The following PDZD8 variants were observed in gnomAD, a reference collection of about 807,000 sequenced individuals.
PDZD8 encodes the protein PDZ domain containing 8, also known as PDZ domain-containing protein 8.
A neutral mutation model predicts 85.8 loss-of-function variants in PDZD8; 14 were observed. That is an observed-to-expected ratio of 0.16 (90% CI 0.11 to 0.26). PDZD8 has a LOEUF of 0.26. PDZD8 is among the 10% of genes least tolerant of loss of function. PDZD8 has a pLI of 1.00. For missense variants in PDZD8, 1,197 were observed against 1,424.3 expected, an observed-to-expected ratio of 0.84 and a Z score of 2.57; for synonymous variants, 592 against 568.6, an observed-to-expected ratio of 1.04 and a Z score of -0.59.
At chr10:117,309,438 C>T (rs1369188936) in intron 3 of PDZD8, among the ~76,000 whole-genome samples, 3 of 151,304 alleles carry the variant, frequency 2.0e-5, no homozygotes. Context: ...ACATGAAAAA[C>T]ATTCCATCTC....
chr10:117,322,651 C>G (rs537097494), intron 2 of PDZD8, among the ~76,000 whole-genome samples: 1 of 152,214 alleles, frequency 6.6e-6, no homozygotes, highest in South Asian at 2.1e-4. Flanking sequence ...AGAGAGGCCT[C>G]AGGTGTCTGG....
intron 3 of PDZD8, among the ~76,000 whole-genome samples, chr10:117,294,330 A>AC (rs1164654260): frequency 1.5e-5 from 2 of 129,534 alleles, no homozygotes; most frequent in South Asian, 2.4e-4. Context: ...AAAAAGACAA[A>AC]AAAAAAAAAA....
intron 1 of PDZD8, among the ~76,000 whole-genome samples, chr10:117,344,810 G>T (rs1844677144): frequency 1.3e-5 from 2 of 152,166 alleles, no homozygotes; most frequent in African/African-American, 4.8e-5. Context: ...CCAGTCACCT[G>T]TTACTTCCAG....
rs531905660 is a variant in PDZD8 at position 117,369,252 on chromosome 10, G to A, written c.872+5104C>T. ...CGGCTTGCAGCAATCTCTGCCTCTCGGGTTCAAGCGATTCTCCTGCCTCAG... is the reference window on the plus strand; with the variant it reads ...CGGCTTGCAGCAATCTCTGCCTCTCAGGTTCAAGCGATTCTCCTGCCTCAG... On this transcript the variant is annotated intron_variant, in intron 1 of 4. Coordinates refer to ENST00000334464, the MANE Select transcript of PDZD8 (RefSeq NM_173791.5). Among the ~76,000 whole-genome samples the A allele has an allele frequency of 4.6e-5, 7 of 152,084 alleles. No homozygotes were observed. The South Asian group carries it at 6.2e-4, about 14-fold the overall frequency.
At chr10:117,369,940 C>T (rs1227080880) in intron 1 of PDZD8, among the ~76,000 whole-genome samples, 1 of 152,120 alleles carries the variant, frequency 6.6e-6, no homozygotes, top group Non-Finnish European at 1.5e-5. Flanking sequence ...GGAACACAAG[C>T]ATCCGTAAGA....
At chr10:117,301,306 A>C (rs1191282881) in intron 3 of PDZD8, among the ~76,000 whole-genome samples, 2 of 152,088 alleles carry the variant, frequency 1.3e-5, no homozygotes, top group Non-Finnish European at 2.9e-5. Context: ...TTTTTGAGGG[A>C]CCAGTATACA....
chr10:117,288,888 G>A (rs915634019), intron 4 of PDZD8, among the ~76,000 whole-genome samples: 4 of 152,042 alleles, frequency 2.6e-5, no homozygotes, highest in African/African-American at 9.7e-5. Context: ...ATATCGCTTA[G>A]GTTAATTAAT....
intron 3 of PDZD8, among the ~76,000 whole-genome samples, chr10:117,313,526 T>G (rs1317072591): frequency 1.3e-5 from 2 of 152,200 alleles, no homozygotes; most frequent in African/African-American, 4.8e-5. Flanking sequence ...TTCAGGACAC[T>G]ATACCTGATC....
intron 2 of PDZD8, among the ~76,000 whole-genome samples, chr10:117,331,079 C>T (rs958075923): frequency 8.5e-5 from 13 of 152,160 alleles, no homozygotes; most frequent in Admixed American, 6.5e-4. Flanking sequence ...CTTATTTATG[C>T]ATTTGTTTTT....
chr10:117,336,417 C>T (rs1248984925), intron 2 of PDZD8, among the ~76,000 whole-genome samples: 1 of 152,088 alleles, frequency 6.6e-6, no homozygotes, highest in Non-Finnish European at 1.5e-5. Flanking sequence ...TATGAAGTAG[C>T]AATAAACACA....
intron 3 of PDZD8, among the ~76,000 whole-genome samples, chr10:117,310,225 A>T (rs942190822): frequency 2.0e-5 from 3 of 152,154 alleles, no homozygotes; most frequent in Non-Finnish European, 2.9e-5. Flanking sequence ...ACATACTATG[A>T]GGTTTGGTTC....
intron 1 of PDZD8, among the ~76,000 whole-genome samples, chr10:117,345,337 G>A (rs1363136475): frequency 2.0e-5 from 3 of 152,254 alleles, no homozygotes; most frequent in East Asian, 3.9e-4. Flanking sequence ...AAGACAGCTG[G>A]GAGGAGCCCT....
rs181114302 is a variant in PDZD8 at position 117,347,539 on chromosome 10, T to C, written c.873-6437A>G. Among the ~76,000 whole-genome samples the C allele has an allele frequency of 3.1e-3, 477 of 152,328 alleles. 6 individuals are homozygous for C. Among genetic ancestry groups the C allele is most frequent in the African/African-American group, 0.011 (454 of 41,566 alleles). On this transcript the variant is annotated intron_variant, in intron 1 of 4. Transcript: ENST00000334464. ...TGTACCCCTGATCACCTTGGGCATATGTTCAAAGGACCTCCTGAGGGCTGT... is the reference window on the plus strand; with the variant it reads ...TGTACCCCTGATCACCTTGGGCATACGTTCAAAGGACCTCCTGAGGGCTGT...
At chr10:117,327,447 G>A (rs566205557) in intron 2 of PDZD8, among the ~76,000 whole-genome samples, 1 of 152,342 alleles carries the variant, frequency 6.6e-6, no homozygotes, top group South Asian at 2.1e-4. Context: ...CCTGAAAACA[G>A]GTGATTCCAG....
At chr10:117,363,498 T>C (rs571315793) in intron 1 of PDZD8, among the ~76,000 whole-genome samples, 1 of 152,238 alleles carries the variant, frequency 6.6e-6, no homozygotes, top group Middle Eastern at 3.4e-3. Flanking sequence ...TAACTGTAGA[T>C]TATACAGGTA....
At chr10:117,367,723 C>T (rs1410576917) in intron 1 of PDZD8, among the ~76,000 whole-genome samples, 1 of 152,144 alleles carries the variant, frequency 6.6e-6, no homozygotes, top group African/African-American at 2.4e-5. Context: ...CACCTGAAGT[C>T]AGAAGTTCAA....
intron 3 of PDZD8, among the ~76,000 whole-genome samples, chr10:117,312,159 C>G (rs546197695): frequency 6.6e-6 from 1 of 151,948 alleles, no homozygotes; most frequent in African/African-American, 2.4e-5. Flanking sequence ...AAGCAGAGAT[C>G]GGATGAATGG....
At chr10:117,345,953 G>C (rs7476816) in intron 1 of PDZD8, among the ~76,000 whole-genome samples, 6,127 of 152,048 alleles carry the variant, frequency 0.04, 142 homozygotes, top group East Asian at 0.067. Context: ...TCAGCTATAG[G>C]GGTTCAGCCA....
chr10:117,373,604 CAAA>C (rs796930758), intron 1 of PDZD8, among the ~76,000 whole-genome samples: 2,830 of 52,386 alleles, frequency 0.054, 33 homozygotes, highest in East Asian at 0.16. Flanking sequence ...CTAAAAAATA[CAAA>C]AAAAAAAAAA....
Sources: allele counts gnomAD v4.1 joint callset (sites outside exome capture counted in the v4.1 genomes callset), GRCh38; gene constraint gnomAD v4.1.1; transcripts MANE v1.5; gene names NCBI Gene and HGNC (gene_info 2026-07-23, HGNC 2026-07-21).